Variants in COL11A1 observed in about 807,000 individuals in gnomAD.
COL11A1 encodes collagen alpha-1(XI) chain.
In COL11A1, 74 loss-of-function variants were observed where a neutral mutation model predicts 265.2. The ratio of observed to expected loss-of-function variants is 0.28; its 90% CI spans 0.23 to 0.34. COL11A1 has a LOEUF of 0.34. Among genes scored for constraint, COL11A1 ranks in the 10% least tolerant of loss-of-function variants. The pLI is 1.00. For synonymous variants in COL11A1, 816 were observed against 727.6 expected, an observed-to-expected ratio of 1.12 and a Z score of -1.96; for missense variants, 2,165 against 2,263.6, an observed-to-expected ratio of 0.96 and a Z score of 0.88.
chr1:103,004,485 C>T lies in COL11A1; in HGVS notation c.1903G>A (p.Glu635Lys). Residue 635 changes from glutamate to lysine, a missense_variant, in exon 20 of 67, where the codon GAA (glutamate) becomes AAA (lysine). Physicochemically the swap from Glu to Lys is moderately conservative, Grantham distance 56. Transcript: ENST00000370096. Reference sequence around the variant, plus strand: ...CCTCTTGGTCCAATTTCTCCATCTTCTCCCTGTCATTGACAAAATGAATGA... The same window carrying T: ...CCTCTTGGTCCAATTTCTCCATCTTTTCCCTGTCATTGACAAAATGAATGA... ...GPPGDDGMRG[E>K]DGEIGPRGLP... 6.2e-7 allele frequency: 1 copy of T among 1,611,752 alleles called. No individual in the cohort carries two copies. Among genetic ancestry groups the T allele is most frequent in the Middle Eastern group, 1.7e-4 (1 of 5,762 alleles).
At chr1:103,028,248 G>T (rs1667709458) in intron 5 of COL11A1, among the ~76,000 whole-genome samples, 1 of 152,054 alleles carries the variant, frequency 6.6e-6, no homozygotes, top group South Asian at 2.1e-4. Context: ...TGGCCAGGCT[G>T]CTCTTGAACT....
At chr1:102,975,535 T>C (rs990906861) in intron 35 of COL11A1, among the ~76,000 whole-genome samples, 3 of 152,128 alleles carry the variant, frequency 2.0e-5, no homozygotes, top group Non-Finnish European at 2.9e-5. Context: ...TATAATATCA[T>C]TCTTGGCTTG....
intron 38 of COL11A1, among the ~76,000 whole-genome samples, chr1:102,963,338 A>C (rs1443342767): frequency 1.3e-5 from 2 of 152,212 alleles, no homozygotes; most frequent in African/African-American, 4.8e-5. Context: ...ATGGGTCAGC[A>C]GTTCCTCTCG....
Position 102,881,734 on chromosome 1 carries a change from G to C in COL11A1, c.5003C>G (p.Pro1668Arg). 6.2e-7 allele frequency: 1 copy of C among 1,612,590 alleles called. No individual in the cohort carries two copies. Among genetic ancestry groups the C allele is most frequent in the Non-Finnish European group, 8.5e-7 (1 of 1,179,126 alleles). Residue 1668 changes from proline (P) to arginine (R), a missense_variant, in exon 65 of 67, where the codon CCA (proline) becomes CGA (arginine). Pro to Arg is a moderately radical substitution (Grantham distance 103, BLOSUM62 -2). Transcript: ENST00000370096. ...CTTAAATTCACTAAACCAACTTCCT[G>C]GTTTCTCCTTTGGCCATGATGAAAT... Reference protein sequence around the residue: ...VRISSWPKEKPGSWFSEFKRG... With the variant: ...VRISSWPKEKRGSWFSEFKRG...
chr1:102,886,684 T>G (rs2100838815), intron 63 of COL11A1, 123 bp downstream of exon 63: 1 of 1,368,226 alleles, frequency 7.3e-7, no homozygotes, highest in South Asian at 1.2e-5. Context: ...AGAAGATAAT[T>G]AATAACTGTT....
At chr1:102,933,725 T>G (rs1657811578) in intron 46 of COL11A1, among the ~76,000 whole-genome samples, 2 of 152,224 alleles carry the variant, frequency 1.3e-5, no homozygotes, top group East Asian at 3.9e-4. Context: ...CAGACTGCTG[T>G]GCTAGCAATC....
chr1:102,915,091 A>G (rs1330898585), intron 50 of COL11A1, among the ~76,000 whole-genome samples: 1 of 152,080 alleles, frequency 6.6e-6, no homozygotes. Flanking sequence ...TTTTTAGTAG[A>G]GACGGGGTTT....
intron 53 of COL11A1, among the ~76,000 whole-genome samples, chr1:102,913,107 G>A (rs948550234): frequency 6.6e-6 from 1 of 152,144 alleles, no homozygotes; most frequent in African/African-American, 2.4e-5. Flanking sequence ...AGACAAAATT[G>A]TGTTGAGGGA....
intron 4 of COL11A1, among the ~76,000 whole-genome samples, chr1:103,071,082 C>G (rs12092002): frequency 6.6e-6 from 1 of 151,816 alleles, no homozygotes; most frequent in South Asian, 2.1e-4. Context: ...AAAATATTTT[C>G]TGAGGAGTTT....
At chr1:102,918,092 A>C (rs141382054) in intron 49 of COL11A1, among the ~76,000 whole-genome samples, 4,891 of 151,570 alleles carry the variant, frequency 0.032, 103 homozygotes, top group Middle Eastern at 0.06. Flanking sequence ...TCTAATACCA[A>C]AATGCTACAA....
intron 25 of COL11A1, 101 bp downstream of exon 25, chr1:102,998,209 T>C (rs1425300552): frequency 5.0e-6 from 5 of 996,954 alleles, no homozygotes; most frequent in Non-Finnish European, 7.8e-6. Context: ...GCTCAATTTA[T>C]TTTTATTACT....
rs1343503479 is a variant in COL11A1 at position 102,876,789 on chromosome 1, C to T, written c.*1230G>A. ...TTTCAAGCTACCTTAAAGTAAATACCTTAGTGGAAAAAAAAGTTTAGATTT... is the reference window on the plus strand; with the variant it reads ...TTTCAAGCTACCTTAAAGTAAATACTTTAGTGGAAAAAAAAGTTTAGATTT... On this transcript the variant is annotated 3_prime_UTR_variant, in exon 67 of 67. Transcript: ENST00000370096. The T allele has an allele frequency of 1.3e-5, 2 of 151,862 alleles. No individual in the cohort carries two copies. Among genetic ancestry groups the T allele is most frequent in the Admixed American group, 6.6e-5 (1 of 15,216 alleles). The allele number at this position is 151,862 out of a possible 1,614,324, so 9.4% of individuals were successfully genotyped here. A position where few individuals can be genotyped will look rare whatever the true frequency, so the allele number is the denominator to read the frequency against.
chr1:103,084,768 A>G (rs1336271507), intron 1 of COL11A1, among the ~76,000 whole-genome samples: 1 of 152,216 alleles, frequency 6.6e-6, no homozygotes, highest in East Asian at 1.9e-4. Context: ...TCCTCACTTA[A>G]TATCCTCGAT....
intron 3 of COL11A1, among the ~76,000 whole-genome samples, chr1:103,075,865 C>T (rs554474806): frequency 2.6e-5 from 4 of 152,122 alleles, no homozygotes; most frequent in Admixed American, 2.6e-4. Context: ...TCCACTAGAA[C>T]ATTCAACTGG....
intron 54 of COL11A1, among the ~76,000 whole-genome samples, chr1:102,911,713 CA>C (rs1189810058): frequency 6.6e-6 from 1 of 152,148 alleles, no homozygotes; most frequent in Non-Finnish European, 1.5e-5. Context: ...AGAAGTTTGA[CA>C]GTGTAAAGCA....
chr1:102,879,895 C>G lies in COL11A1; in HGVS notation c.5062G>C (p.Gly1688Arg). ...GKLLSYLDVE[G>R]NSINMVQMTF... ...ATTTGCACCATATTGATGGAATTTC[C>G]TTCAACATCTAAGTATGAAAGCTAG... Residue 1688 changes from glycine to arginine, a missense_variant, in exon 66 of 67, where the codon GGA (glycine) becomes CGA (arginine). Gly to Arg is a moderately radical substitution (Grantham distance 125). Coordinates refer to ENST00000370096, the MANE Select transcript of COL11A1 (RefSeq NM_001854.4). The G allele has an allele frequency of 6.2e-7, 1 of 1,612,796 alleles. No individual in the cohort carries two copies. The highest frequency in any genetic ancestry group is 8.5e-7 in the Non-Finnish European group (1 of 1,178,934).
chr1:102,991,713 A>T (rs889666058), intron 28 of COL11A1, among the ~76,000 whole-genome samples: 2 of 152,186 alleles, frequency 1.3e-5, no homozygotes, highest in African/African-American at 2.4e-5. Flanking sequence ...GTGTGAGTTT[A>T]GCAAGGTATA....
intron 7 of COL11A1, among the ~76,000 whole-genome samples, chr1:103,024,842 T>C (rs1409833811): frequency 6.6e-6 from 1 of 152,160 alleles, no homozygotes; most frequent in Non-Finnish European, 1.5e-5. Context: ...GATAAAATTA[T>C]ACCAAAATGT....
chr1:102,940,803 C>A (rs1056150048), intron 42 of COL11A1, among the ~76,000 whole-genome samples: 4 of 152,036 alleles, frequency 2.6e-5, no homozygotes, highest in African/African-American at 9.7e-5. Context: ...CTTTAGAAAT[C>A]AAAAAATGCA....
Sources: allele counts gnomAD v4.1 joint callset (sites outside exome capture counted in the v4.1 genomes callset), GRCh38; gene constraint gnomAD v4.1.1; transcripts MANE v1.5; gene names NCBI Gene and HGNC (gene_info 2026-07-23, HGNC 2026-07-21).